TTC1: variants seen among roughly 807,000 people sequenced by gnomAD.
TTC1 encodes tetratricopeptide repeat domain 1.
In TTC1, 31 loss-of-function variants were observed where a neutral mutation model predicts 37.6. That is an observed-to-expected ratio of 0.82 (90% CI 0.62 to 1.11). The LOEUF is 1.11. Ranked by LOEUF, TTC1 falls within the 50% of genes most tolerant of loss-of-function variation. TTC1 has a pLI of 0.00. For missense variants in TTC1, 351 were observed against 339.0 expected (o/e 1.04, Z -0.28); for synonymous variants, 127 against 122.4 (o/e 1.04, Z -0.25).
At chr5:160,063,758 T>G (rs796269742) in intron 7 of TTC1, 1 of 152,324 alleles carries the variant, frequency 6.6e-6, no homozygotes, top group African/African-American at 2.4e-5. Context: ...ACATTCCTAG[T>G]TTCAGATGTT....
intron 2 of TTC1, among the ~76,000 whole-genome samples, chr5:160,014,814 A>G (rs913144206): frequency 1.3e-5 from 2 of 152,242 alleles, no homozygotes; most frequent in Non-Finnish European, 2.9e-5. Context: ...CAAGGAAATT[A>G]TTAGAAATAT....
intron 7 of TTC1, among the ~76,000 whole-genome samples, chr5:160,061,273 C>A (rs1164491154): frequency 6.6e-6 from 1 of 152,226 alleles, no homozygotes; most frequent in African/African-American, 2.4e-5. Context: ...AACTCTTAGA[C>A]AAAGATAGAC....
rs1753571367 is a variant in TTC1 at position 160,065,250 on chromosome 5, T to A, written c.*185T>A. 1 of 864,216 alleles carries A rather than the reference T, an allele frequency of 1.2e-6. No individual in the cohort carries two copies. The highest frequency in any genetic ancestry group is 2.7e-5 in the East Asian group (1 of 37,278). 53.5% of individuals were successfully genotyped at this position (864,216 alleles called of 1,614,324 possible). On this transcript the variant is annotated 3_prime_UTR_variant, in exon 8 of 8. Coordinates refer to ENST00000231238, the MANE Select transcript of TTC1 (RefSeq NM_003314.3). ...GGGTGAAATGTACTTCCTGATGTAA[T>A]GAACCTAATTTGATTTCCATTTTAA...
intron 1 of TTC1, among the ~76,000 whole-genome samples, 152 bp downstream of exon 1, chr5:160,009,345 T>C (rs1756451283): frequency 6.6e-6 from 1 of 152,166 alleles, no homozygotes; most frequent in South Asian, 2.1e-4. Flanking sequence ...AAGCAAGACA[T>C]TGCTGTGGAG....
chr5:160,013,139 G>C (rs1756529901), intron 2 of TTC1, among the ~76,000 whole-genome samples: 1 of 152,106 alleles, frequency 6.6e-6, no homozygotes, highest in Non-Finnish European at 1.5e-5. Context: ...TTATTATTTA[G>C]AGAAATGTAA....
intron 2 of TTC1, among the ~76,000 whole-genome samples, chr5:160,026,759 C>G (rs892550058): frequency 7.9e-5 from 12 of 152,100 alleles, no homozygotes; most frequent in Non-Finnish European, 1.5e-4. Flanking sequence ...AATCTCTGCT[C>G]TTTGAGTTGT....
chr5:160,056,660 C>T (rs928313683), intron 7 of TTC1, among the ~76,000 whole-genome samples: 5 of 152,272 alleles, frequency 3.3e-5, no homozygotes, highest in Non-Finnish European at 7.4e-5. Flanking sequence ...GAGATCAAAG[C>T]TGCAGTGAGC....
At chr5:160,045,733 T>G (rs922335402) in intron 5 of TTC1, among the ~76,000 whole-genome samples, 1 of 151,816 alleles carries the variant, frequency 6.6e-6, no homozygotes, top group Non-Finnish European at 1.5e-5. Context: ...CTAACTTTTT[T>G]TATTTTTTAT....
Position 160,057,771 on chromosome 5 carries a change from C to T in TTC1, c.745+6588C>T, listed in dbSNP as rs904192295. 6.0e-4 allele frequency among the ~76,000 whole-genome samples: 91 copies of T among 150,576 alleles called. No homozygotes were observed. Among genetic ancestry groups the T allele is most frequent in the Non-Finnish European group, 1.0e-3 (69 of 67,502 alleles). On this transcript the variant is annotated intron_variant, in intron 7 of 7. Transcript: ENST00000231238. The surrounding 1 kb of genome is among the most constrained non-coding windows in gnomAD (Gnocchi z 4.4). Reference sequence around the variant, plus strand: ...GTTATGTAATATTTGGGGGTTTGTGCGTGTGTGTGTGTGTGTGACACAGAG... The same window carrying T: ...GTTATGTAATATTTGGGGGTTTGTGTGTGTGTGTGTGTGTGTGACACAGAG...
chr5:160,028,577 G>C (rs144297973), intron 2 of TTC1, among the ~76,000 whole-genome samples: 1 of 152,156 alleles, frequency 6.6e-6, no homozygotes, highest in East Asian at 1.9e-4. Flanking sequence ...GGGCTCAAGC[G>C]ATCCTCCCAC....
intron 5 of TTC1, among the ~76,000 whole-genome samples, chr5:160,049,305 G>A (rs1474265505): frequency 6.6e-6 from 1 of 152,124 alleles, no homozygotes. Context: ...TTGAGGAGCT[G>A]CGACACAGAT....
At chr5:160,064,855 G>C in intron 7 of TTC1, 77 bp from the exon 8 acceptor site, 1 of 1,459,562 alleles carries the variant, frequency 6.9e-7, no homozygotes. Flanking sequence ...GTACTCAGTG[G>C]TAAGGCAAGA....
intron 2 of TTC1, among the ~76,000 whole-genome samples, chr5:160,025,168 C>T (rs530470252): frequency 6.6e-6 from 1 of 152,360 alleles, no homozygotes; most frequent in Non-Finnish European, 1.5e-5. Context: ...GCTGGGATTA[C>T]AGGCGCCTGC....
At chr5:160,052,349 A>G (rs774174196) in intron 7 of TTC1, among the ~76,000 whole-genome samples, 24 of 152,144 alleles carry the variant, frequency 1.6e-4, no homozygotes, top group Middle Eastern at 3.4e-3. Flanking sequence ...ACAAAAAATT[A>G]GTCAGGCATG....
In TTC1 at chr5:160,064,942, A is replaced by G; in HGVS notation, c.756A>G (p.Lys252=). The G allele has an allele frequency of 6.2e-7, 1 of 1,607,080 alleles. No homozygotes were observed. Among genetic ancestry groups the G allele is most frequent in the South Asian group, 1.1e-5 (1 of 89,264 alleles). ...RLKEEMLGKL[K]DLGNLVLRPF... ...GCTTTTACATTACAGGTAAATTAAA[A>G]GATCTTGGGAACTTGGTTCTCCGAC... Residue 252 remains lysine, a synonymous_variant, in exon 8 of 8, where the codon AAA becomes AAG. Transcript: ENST00000231238.
At chr5:160,027,072 A>G in intron 2 of TTC1, among the ~76,000 whole-genome samples, 1 of 148,648 alleles carries the variant, frequency 6.7e-6, no homozygotes, top group Non-Finnish European at 1.5e-5. Flanking sequence ...TTTGTTGCCC[A>G]GGCTGGAGTA....
intron 5 of TTC1, among the ~76,000 whole-genome samples, chr5:160,047,410 T>G (rs80333548): frequency 0.082 from 12,414 of 152,226 alleles, 710 homozygotes; most frequent in Admixed American, 0.18. Flanking sequence ...GGGCTCAAAT[T>G]TAAAGACATA....
intron 5 of TTC1, among the ~76,000 whole-genome samples, chr5:160,045,957 G>T (rs1196947191): frequency 6.6e-6 from 1 of 152,098 alleles, no homozygotes; most frequent in African/African-American, 2.4e-5. Flanking sequence ...TGGCCAGGCT[G>T]CTCTCGAACT....
intron 2 of TTC1, among the ~76,000 whole-genome samples, chr5:160,029,248 G>C (rs943751526): frequency 1.7e-4 from 26 of 151,986 alleles, no homozygotes; most frequent in African/African-American, 6.0e-4. Context: ...GTATTTCCTG[G>C]GTTTCTTCAC....
Sources: gnomAD v4.1 joint callset for allele counts (sites outside exome capture counted in the v4.1 genomes callset) on GRCh38, gnomAD v4.1.1 for gene constraint, Gnocchi (gnomAD v3.1) non-coding constraint, MANE v1.5 for transcripts, NCBI Gene and HGNC (gene_info 2026-07-23, HGNC 2026-07-21) for gene names.